PTPRT: variants seen among roughly 807,000 people sequenced by gnomAD.
The protein encoded by PTPRT is protein tyrosine phosphatase receptor type T.
A neutral mutation model predicts 176.8 loss-of-function variants in PTPRT; 56 were observed. The ratio of observed to expected loss-of-function variants is 0.32; its 90% CI spans 0.26 to 0.40. The LOEUF is 0.40. PTPRT is among the 10% of genes least tolerant of loss of function. PTPRT has a pLI of 1.00. For synonymous variants in PTPRT, 783 were observed against 739.0 expected, an observed-to-expected ratio of 1.06 and a Z score of -0.96; for missense variants, 1,540 against 1,908.2, an observed-to-expected ratio of 0.81 and a Z score of 3.60.
At chr20:42,551,327 T>C (rs997424446) in intron 7 of PTPRT, among the ~76,000 whole-genome samples, 3 of 152,136 alleles carry the variant, frequency 2.0e-5, no homozygotes, top group Non-Finnish European at 1.5e-5. Context: ...CTTTTAGAAA[T>C]AGTCATCAGG....
chr20:43,154,720 A>T (rs1015332542), intron 1 of PTPRT, among the ~76,000 whole-genome samples: 2 of 152,224 alleles, frequency 1.3e-5, no homozygotes, highest in African/African-American at 4.8e-5. Context: ...TCGAACTAAA[A>T]AGCTTCTGCA....
Position 42,475,347 on chromosome 20 carries a change from T to C in PTPRT, c.1154-2785A>G, listed in dbSNP as rs1306867484. 4.6e-5 allele frequency among the ~76,000 whole-genome samples: 7 copies of C among 152,148 alleles called. No individual in the cohort carries two copies. The East Asian group carries it at 1.2e-3, about 25-fold the overall frequency. ...CAAAGTAAAAACTCTCTGTAAGCTA[T>C]CAGTTGCACTCTCTATGTTGAAAAT... On this transcript the variant is annotated intron_variant, in intron 7 of 30. Coordinates refer to ENST00000373187, the MANE Select transcript of PTPRT (RefSeq NM_007050.6).
intron 9 of PTPRT, among the ~76,000 whole-genome samples, chr20:42,391,584 C>T (rs1203248868): frequency 1.3e-5 from 2 of 152,126 alleles, no homozygotes; most frequent in East Asian, 3.9e-4. Context: ...CTTGGACTTC[C>T]TGTAGTGATA....
chr20:42,102,449 C>T (rs529876154), intron 25 of PTPRT, 152 bp from the exon 26 acceptor site: 11 of 847,802 alleles, frequency 1.3e-5, no homozygotes, highest in Middle Eastern at 3.6e-4. Context: ...TTCTCTTCCA[C>T]GGTGATGTTC....
chr20:42,892,039 A>G (rs941885241), intron 1 of PTPRT, among the ~76,000 whole-genome samples: 24 of 152,228 alleles, frequency 1.6e-4, no homozygotes, highest in Admixed American at 6.5e-4. Flanking sequence ...GACAGCCTAG[A>G]TTTGCCCAGG....
chr20:42,367,242 T>G (rs970144894), intron 9 of PTPRT, among the ~76,000 whole-genome samples: 1 of 152,242 alleles, frequency 6.6e-6, no homozygotes, highest in Non-Finnish European at 1.5e-5. Context: ...AGGTTTTTCA[T>G]GAAGTTGAAA....
chr20:42,839,307 GT>G (rs879401385), intron 2 of PTPRT, among the ~76,000 whole-genome samples: 2,607 of 136,424 alleles, frequency 0.019, 56 homozygotes, highest in African/African-American at 0.053. Flanking sequence ...TGTTCACTCT[GT>G]TTTTTTTTTT....
chr20:42,436,872 AT>A (rs1467229278), intron 9 of PTPRT, among the ~76,000 whole-genome samples: 2 of 152,244 alleles, frequency 1.3e-5, no homozygotes, highest in African/African-American at 2.4e-5. Flanking sequence ...AGCTGCACTC[AT>A]CCGTGGGGAT....
chr20:42,841,553 A>T (rs1169477701), intron 2 of PTPRT, among the ~76,000 whole-genome samples: 1 of 152,022 alleles, frequency 6.6e-6, no homozygotes, highest in Non-Finnish European at 1.5e-5. Flanking sequence ...CAAAGGCTAC[A>T]GATAGCTTCA....
At chr20:42,528,845 C>T (rs1177091284) in intron 7 of PTPRT, among the ~76,000 whole-genome samples, 1 of 152,136 alleles carries the variant, frequency 6.6e-6, no homozygotes, top group Non-Finnish European at 1.5e-5. Context: ...GGACTGTGGC[C>T]ATATATCCTG....
intron 16 of PTPRT, among the ~76,000 whole-genome samples, chr20:42,168,970 C>T (rs1989957271): frequency 6.6e-6 from 1 of 152,144 alleles, no homozygotes; most frequent in African/African-American, 2.4e-5. Context: ...TAATAGAATG[C>T]CACTCCACTG....
intron 1 of PTPRT, among the ~76,000 whole-genome samples, chr20:43,114,263 T>G (rs1334626860): frequency 6.6e-6 from 1 of 152,100 alleles, no homozygotes; most frequent in Non-Finnish European, 1.5e-5. Flanking sequence ...CCCCAAGACT[T>G]AGTACATGAA....
intron 6 of PTPRT, among the ~76,000 whole-genome samples, chr20:42,689,622 A>T (rs937003524): frequency 7.9e-5 from 12 of 152,180 alleles, no homozygotes; most frequent in African/African-American, 2.9e-4. Flanking sequence ...CCCAAAACTT[A>T]CATAGACTCC....
chr20:42,212,245 T>C (rs1472475812), intron 15 of PTPRT, among the ~76,000 whole-genome samples: 1 of 140,836 alleles, frequency 7.1e-6, no homozygotes, highest in Admixed American at 7.5e-5. Context: ...CATGTATACA[T>C]ATGTAACATG....
At chr20:42,532,873 G>C (rs986830) in intron 7 of PTPRT, among the ~76,000 whole-genome samples, 23,942 of 152,074 alleles carry the variant, frequency 0.16, 2,363 homozygotes, top group Admixed American at 0.28. Context: ...GCTCACGAGG[G>C]AGAGGCCCAC....
At chr20:42,082,878 AG>A (rs1983478284) in intron 29 of PTPRT, among the ~76,000 whole-genome samples, 1 of 152,294 alleles carries the variant, frequency 6.6e-6, no homozygotes, top group Non-Finnish European at 1.5e-5. Context: ...ACAGAAACTA[AG>A]GCACTCAGTC....
intron 7 of PTPRT, among the ~76,000 whole-genome samples, chr20:42,563,900 T>A (rs1035580565): frequency 2.0e-5 from 3 of 152,160 alleles, no homozygotes; most frequent in Non-Finnish European, 4.4e-5. Context: ...CGTGTCACAG[T>A]CAAAAATGAA....
intron 2 of PTPRT, among the ~76,000 whole-genome samples, chr20:42,841,634 C>T (rs928159454): frequency 2.0e-5 from 3 of 151,524 alleles, no homozygotes; most frequent in Non-Finnish European, 2.9e-5. Flanking sequence ...CACACACACA[C>T]ACACACACAC....
intron 1 of PTPRT, among the ~76,000 whole-genome samples, chr20:43,173,567 ACT>A (rs1359810700): frequency 2.0e-5 from 3 of 152,108 alleles, no homozygotes; most frequent in Admixed American, 6.5e-5. Context: ...AACTCAACTA[ACT>A]CTGTCCAGCC....
Sources: allele counts gnomAD v4.1 joint callset (sites outside exome capture counted in the v4.1 genomes callset), GRCh38; gene constraint gnomAD v4.1.1; transcripts MANE v1.5; gene names NCBI Gene and HGNC (gene_info 2026-07-23, HGNC 2026-07-21).